MPDZ: variants seen among roughly 807,000 people sequenced by gnomAD.
MPDZ encodes multiple PDZ domain crumbs cell polarity complex component, also known as multiple PDZ domain protein.
MPDZ carries 234 observed loss-of-function variants against 239.1 expected under a neutral mutation model. That is an observed-to-expected ratio of 0.98 (90% CI 0.88 to 1.09). The LOEUF is 1.09. Ranked by LOEUF, MPDZ falls within the 50% of genes least tolerant of loss-of-function variation. The pLI is 0.00. For missense variants in MPDZ, 3,175 were observed against 2,510.0 expected, an observed-to-expected ratio of 1.26 and a Z score of -5.66; for synonymous variants, 1,048 against 881.3, an observed-to-expected ratio of 1.19 and a Z score of -3.35.
chr9:13,277,835 G>C (rs941603954), intron 1 of MPDZ, among the ~76,000 whole-genome samples: 3 of 152,180 alleles, frequency 2.0e-5, no homozygotes, highest in Non-Finnish European at 1.5e-5. Flanking sequence ...AAAGTGCTGG[G>C]ATTACAAGCG....
intron 29 of MPDZ, among the ~76,000 whole-genome samples, chr9:13,137,435 G>T (rs1946988249): frequency 6.6e-6 from 1 of 152,168 alleles, no homozygotes. Context: ...CAGCCCAGGA[G>T]GGGCAAGGAC....
chr9:13,225,695 G>C (rs1960354473), intron 3 of MPDZ, among the ~76,000 whole-genome samples: 5 of 151,970 alleles, frequency 3.3e-5, no homozygotes. Flanking sequence ...GGTAGACTAG[G>C]AGCAATACCA....
intron 8 of MPDZ, 84 bp from the exon 9 acceptor site, chr9:13,217,378 A>G: frequency 1.1e-6 from 1 of 887,358 alleles, no homozygotes; most frequent in Non-Finnish European, 1.7e-6. Flanking sequence ...CAAAAAAACC[A>G]TGATAAAATA....
intron 42 of MPDZ, among the ~76,000 whole-genome samples, chr9:13,112,485 G>C (rs1266494399): frequency 2.0e-5 from 3 of 152,156 alleles, no homozygotes; most frequent in Non-Finnish European, 4.4e-5. Context: ...GCAAATGCTG[G>C]AACTTGGAAT....
chr9:13,162,028 G>C (rs1411999094), intron 23 of MPDZ, among the ~76,000 whole-genome samples: 1 of 152,126 alleles, frequency 6.6e-6, no homozygotes, highest in East Asian at 1.9e-4. Context: ...ACTTTGGCAG[G>C]ACGAGGTGGG....
chr9:13,118,651 T>C (rs1943870850), intron 39 of MPDZ, among the ~76,000 whole-genome samples: 1 of 152,218 alleles, frequency 6.6e-6, no homozygotes, highest in South Asian at 2.1e-4. Flanking sequence ...GAGATAAGCA[T>C]TGCCTATTTA....
intron 1 of MPDZ, among the ~76,000 whole-genome samples, chr9:13,255,684 T>A (rs1206267709): frequency 1.3e-5 from 2 of 152,178 alleles, no homozygotes; most frequent in Non-Finnish European, 1.5e-5. Flanking sequence ...AGAACCTTTT[T>A]CTGAGCAGTA....
chr9:13,174,198 C>T (rs1349617342), intron 21 of MPDZ, among the ~76,000 whole-genome samples: 1 of 152,068 alleles, frequency 6.6e-6, no homozygotes, highest in Non-Finnish European at 1.5e-5. Context: ...TTAGTTATTC[C>T]CTCTTTTAAG....
intron 31 of MPDZ, chr9:13,134,126 C>G (rs1253774671): frequency 2.5e-5 from 5 of 201,822 alleles, no homozygotes; most frequent in Admixed American, 2.3e-4. Context: ...ACATTCTCTT[C>G]AAAATACTTA....
At chr9:13,183,154 T>G (rs1233443027) in intron 19 of MPDZ, among the ~76,000 whole-genome samples, 2 of 152,098 alleles carry the variant, frequency 1.3e-5, no homozygotes, top group Non-Finnish European at 2.9e-5. Context: ...AAATTTTTCT[T>G]TCTGACATGC....
chr9:13,126,726 C>T lies in MPDZ; in HGVS notation c.4511G>A (p.Ser1504Asn), dbSNP rs910133860. The change falls in exon 33 of 47, where the codon AGT becomes AAT. Residue 1504 changes from serine (S) to asparagine (N), a missense_variant. By Grantham distance (46) the Ser-to-Asn change is conservative. Transcript: ENST00000319217. ...TGTTAAGCTCTTTATGATGACTCCACTGAGTGTATCTTCTTCGCTGATAGC... is the reference window on the plus strand; with the variant it reads ...TGTTAAGCTCTTTATGATGACTCCATTGAGTGTATCTTCTTCGCTGATAGC... ...GIAISEEDTL[S>N]GVIIKSLTEH... The T allele has an allele frequency of 3.1e-6, 5 of 1,613,808 alleles. No homozygotes were observed. The African/African-American group carries it at 6.7e-5, about 22-fold the overall frequency.
rs1485008494 is a variant in MPDZ at position 13,106,900 on chromosome 9, C to T, written c.*65G>A. 3 of 1,559,020 alleles carry T rather than the reference C, an allele frequency of 1.9e-6. No individual in the cohort carries two copies. The highest frequency in any genetic ancestry group is 2.3e-5 in the East Asian group (1 of 44,158). On this transcript the variant is annotated 3_prime_UTR_variant, in exon 47 of 47. Coordinates refer to ENST00000319217, the MANE Select transcript of MPDZ (RefSeq NM_001378778.1). ...AACACAGCATAAAAATTGTCAGGAC[C>T]AGTGCATTCTCTTTACAGTAGGAGG...
At chr9:13,110,376 T>A (rs1942244047) in intron 44 of MPDZ, among the ~76,000 whole-genome samples, 1 of 152,310 alleles carries the variant, frequency 6.6e-6, no homozygotes, top group East Asian at 1.9e-4. Flanking sequence ...CACTTAAAAT[T>A]CCAGCAAATA....
At chr9:13,207,329 G>A (rs561193791) in intron 10 of MPDZ, among the ~76,000 whole-genome samples, 18 of 152,064 alleles carry the variant, frequency 1.2e-4, no homozygotes, top group East Asian at 3.9e-4. Flanking sequence ...AATTCTCAAC[G>A]TGGCTTAGAA....
In MPDZ at chr9:13,217,246, C is replaced by A; in HGVS notation, c.1135G>T (p.Glu379Ter). The A allele has an allele frequency of 6.2e-7, 1 of 1,604,328 alleles. No individual in the cohort carries two copies. Residue 379 changes from glutamate (E) to a stop codon, truncating the protein, a stop_gained, in exon 9 of 47, where the codon GAA becomes TAA. Coordinates refer to ENST00000319217, the MANE Select transcript of MPDZ (RefSeq NM_001378778.1). LOFTEE classifies it high-confidence loss of function. ...KGEESETFDVELTKNVQGLGI... is the reference protein window; with the variant it reads ...KGEESETFDV ...AATCCTTGGACATTTTTAGTGAGTT[C>A]TACATCAAATGTCTCACTTTCTTCA...
At chr9:13,138,732 C>A (rs1030188066) in intron 28 of MPDZ, among the ~76,000 whole-genome samples, 4 of 152,176 alleles carry the variant, frequency 2.6e-5, no homozygotes, top group African/African-American at 9.7e-5. Flanking sequence ...TACCCCACAT[C>A]TTCAAGAGGT....
rs974368922 is a variant in MPDZ at position 13,115,726 on chromosome 9, A to C, written c.5380-392T>G. 2.6e-5 allele frequency among the ~76,000 whole-genome samples: 4 copies of C among 152,236 alleles called. No individual in the cohort carries two copies. The South Asian group carries it at 8.3e-4, about 32-fold the overall frequency. ...TTTGGGAGGCCGAGGCGGGTGGATC[A>C]CGAGGTCAGGAGATCAAGACCATCC... On this transcript the variant is annotated intron_variant, in intron 39 of 46. Transcript: ENST00000319217.
intron 22 of MPDZ, among the ~76,000 whole-genome samples, chr9:13,163,944 G>A (rs1049388585): frequency 3.3e-5 from 5 of 152,072 alleles, no homozygotes; most frequent in East Asian, 1.9e-4. Context: ...GTTTGGAGTC[G>A]GAAGACACAG....
intron 10 of MPDZ, among the ~76,000 whole-genome samples, chr9:13,215,307 A>G (rs1035015983): frequency 1.1e-4 from 16 of 151,678 alleles, no homozygotes; most frequent in African/African-American, 3.9e-4. Flanking sequence ...CTCTTTAAAG[A>G]CTGAATAACA....
Sources: allele counts gnomAD v4.1 joint callset (sites outside exome capture counted in the v4.1 genomes callset), GRCh38; gene constraint gnomAD v4.1.1; transcripts MANE v1.5; gene names NCBI Gene and HGNC (gene_info 2026-07-23, HGNC 2026-07-21).